The following MRPL34 variants were observed in gnomAD, a reference collection of about 807,000 sequenced individuals.
MRPL34 encodes large ribosomal subunit protein bL34m.
MRPL34 carries 8 observed loss-of-function variants against 6.7 expected under a neutral mutation model. That is an observed-to-expected ratio of 1.20 (90% confidence interval 0.70 to 2.16). The LOEUF (loss-of-function observed/expected upper bound fraction) is 2.16, where lower values mean the gene tolerates loss of function less well. Among genes scored for constraint, MRPL34 ranks in the 30% most tolerant of loss-of-function variants. MRPL34 has a pLI of 0.00. For synonymous variants in MRPL34, 59 were observed against 55.1 expected (o/e 1.07, Z -0.31); for missense variants, 146 against 125.5 (o/e 1.16, Z -0.78).
At chr19:17,301,243 G>T (rs751059861), upstream of MRPL34, 1 of 1,594,072 alleles carries the variant, frequency 6.3e-7, no homozygotes, top group Admixed American at 1.7e-5. Flanking sequence ...ATCGCTGCCC[G>T]CCGGATCTGC....
intron 1 of MRPL34, chr19:17,294,582 TC>T (rs2074085342): frequency 6.2e-7 from 1 of 1,608,976 alleles, no homozygotes; most frequent in African/African-American, 1.3e-5. Flanking sequence ...CCAGCCCTAG[TC>T]CCAGCGGTAC....
chr19:17,301,222 G>C (rs765003550), upstream of MRPL34: 4 of 1,594,160 alleles, frequency 2.5e-6, no homozygotes, highest in Admixed American at 6.9e-5. Context: ...GCTGCCGGGG[G>C]CCAAGCGGCC....
At chr19:17,305,764 G>A (rs2074142959), upstream of MRPL34, 2 of 953,674 alleles carry the variant, frequency 2.1e-6, no homozygotes, top group African/African-American at 2.1e-5. Context: ...CAACTTCAGG[G>A]TTTTCCCCAA....
upstream of MRPL34, chr19:17,301,430 C>G (rs374386420): frequency 1.1e-4 from 183 of 1,611,748 alleles, no homozygotes; most frequent in Non-Finnish European, 1.4e-4. Context: ...TCCGAGGATG[C>G]GGATGATGGT....
At chr19:17,297,458 G>A (rs143459060) in intron 1 of MRPL34, among the ~76,000 whole-genome samples, 1 of 152,102 alleles carries the variant, frequency 6.6e-6, no homozygotes, top group Non-Finnish European at 1.5e-5. Context: ...ACCATACCCA[G>A]CTACTTTTTG....
chr19:17,305,760 CA>C, upstream of MRPL34: 1 of 923,800 alleles, frequency 1.1e-6, no homozygotes, highest in Non-Finnish European at 1.7e-6. Flanking sequence ...ACTACAACTT[CA>C]GGGTTTTCCC....
At chr19:17,293,851 G>A (rs2074081608) in intron 1 of MRPL34, among the ~76,000 whole-genome samples, 1 of 151,982 alleles carries the variant, frequency 6.6e-6, no homozygotes, top group South Asian at 2.1e-4. Context: ...GAACCACCTC[G>A]CCGGGCTAGT....
upstream of MRPL34, among the ~76,000 whole-genome samples, chr19:17,299,385 C>A (rs2074107458): frequency 6.6e-6 from 1 of 151,664 alleles, no homozygotes; most frequent in Non-Finnish European, 1.5e-5. Context: ...CACGGTGAAA[C>A]CCCGTCTGTA....
At chr19:17,292,709 G>C in exon 1 of MRPL34, 1 of 1,613,238 alleles carries the variant, frequency 6.2e-7, no homozygotes, top group Non-Finnish European at 8.5e-7. Flanking sequence ...GTAGAGCCTT[G>C]GGCGAGGGCT....
upstream of MRPL34, chr19:17,301,372 A>C: frequency 6.2e-7 from 1 of 1,611,052 alleles, no homozygotes; most frequent in Non-Finnish European, 8.5e-7. Flanking sequence ...GTACACGGTG[A>C]TCCGGCGCTG....
rs779607230 is a variant in MRPL34 at position 17,295,090 on chromosome 19, ATTTTTTTTTT to A, written c.214+2253_214+2262del. On this transcript the variant is annotated intron_variant, in intron 1 of 2. Coordinates refer to the MRPL34 transcript ENST00000595444. ...AGGCGCACACCACCACACCCAGGTAATTTTTTTTTTTTTTTTTTTTTTTTTTGAGACGGAG... is the reference window on the plus strand; with the variant it reads ...AGGCGCACACCACCACACCCAGGTAATTTTTTTTTTTTTTTTGAGACGGAG... Among the ~76,000 whole-genome samples the A allele has an allele frequency of 1.6e-4, 13 of 80,416 alleles. No homozygotes were observed. The South Asian group carries it at 5.8e-3, about 36-fold the overall frequency. 52.8% of individuals were successfully genotyped at this position (80,416 alleles called of 152,430 possible). A position where few individuals can be genotyped will look rare whatever the true frequency, so the allele number is the denominator to read the frequency against.
At chr19:17,292,847 G>A (rs1306215723) in exon 1 of MRPL34, 2 of 1,605,916 alleles carry the variant, frequency 1.2e-6, no homozygotes, top group African/African-American at 1.3e-5. Context: ...GAAGACGCAG[G>A]GCTCAAGGTA....
chr19:17,297,727 CTTCT>C (rs1033574007), intron 1 of MRPL34: 57 of 148,250 alleles, frequency 3.8e-4, no homozygotes, highest in African/African-American at 1.3e-3. Context: ...ACTTATGTAA[CTTCT>C]TTGTTTTCTT....
chr19:17,301,343 C>T, upstream of MRPL34: 1 of 1,609,180 alleles, frequency 6.2e-7, no homozygotes, highest in Non-Finnish European at 8.5e-7. Context: ...AGGTTTTCCA[C>T]CAGCAACCGC....
Position 17,306,391 on chromosome 19 carries a change from C to T in MRPL34, c.*12C>T, listed in dbSNP as rs2074149023. On this transcript the variant is annotated 3_prime_UTR_variant, in exon 2 of 2. Transcript: ENST00000252602. ...CGCTGAGCCATTGAGGATCGCGACG[C>T]AGTCGGCGGGACCCTCATGGAAGCA... is the stretch of plus-strand genomic sequence containing the variant. 3 of 1,555,076 alleles carry T rather than the reference C, an allele frequency of 1.9e-6. No individual in the cohort carries two copies. Among genetic ancestry groups the T allele is most frequent in the Non-Finnish European group, 2.6e-6 (3 of 1,152,478 alleles).
Position 17,306,469 on chromosome 19 carries a change from C to T in MRPL34, c.*90C>T, listed in dbSNP as rs2074149531. 2 of 1,227,356 alleles carry T rather than the reference C, an allele frequency of 1.6e-6. No homozygotes were observed. The highest frequency in any genetic ancestry group is 2.2e-6 in the Non-Finnish European group (2 of 898,066). The allele number at this position is 1,227,356 out of a possible 1,614,324, so 76.0% of individuals were successfully genotyped here. A position where few individuals can be genotyped will look rare whatever the true frequency, so the allele number is the denominator to read the frequency against. ...GCTATTTTTGCAGGGAGCTGGGGAG[C>T]AGGAACGCCTCGGACCTGAGTGCTC... On this transcript the variant is annotated 3_prime_UTR_variant, in exon 2 of 2. Coordinates refer to ENST00000252602, the MANE Select transcript of MRPL34 (RefSeq NM_023937.4).
chr19:17,300,128 T>A, upstream of MRPL34, among the ~76,000 whole-genome samples: 1 of 151,364 alleles, frequency 6.6e-6, no homozygotes, highest in Admixed American at 6.6e-5. Flanking sequence ...ATGGTCTCAA[T>A]CTTCTGACCT....
At chr19:17,302,284 C>T (rs2074124061), upstream of MRPL34, 1 of 152,576 alleles carries the variant, frequency 6.6e-6, no homozygotes, top group African/African-American at 2.4e-5. Context: ...GACACCCCCT[C>T]CCCCCAGCTG....
At chr19:17,303,030 T>C (rs1402222382), upstream of MRPL34, 1 of 151,996 alleles carries the variant, frequency 6.6e-6, no homozygotes, top group East Asian at 1.9e-4. Context: ...TAATCCCGGA[T>C]TGTGGAGGGC....
Sources: gnomAD v4.1 joint callset for allele counts (sites outside exome capture counted in the v4.1 genomes callset) on GRCh38, gnomAD v4.1.1 for gene constraint, MANE v1.5 for transcripts, NCBI Gene and HGNC (gene_info 2026-07-23, HGNC 2026-07-21) for gene names.